TBL1X: variants seen among roughly 807,000 people sequenced by gnomAD.
The protein encoded by TBL1X is F-box-like/WD repeat-containing protein TBL1X.
TBL1X carries 10 observed loss-of-function variants against 50.7 expected under a neutral mutation model. The ratio of observed to expected loss-of-function variants is 0.20; its 90% confidence interval spans 0.12 to 0.33. The LOEUF is 0.33. Among genes scored for constraint, TBL1X ranks in the 10% least tolerant of loss-of-function variants. The probability of loss-of-function intolerance (pLI) is 1.00; values close to 1 mark genes in which losing one functional copy is unlikely to be tolerated. For synonymous variants in TBL1X, 190 were observed against 214.7 expected, an observed-to-expected ratio of 0.88 and a Z score of 1.01; for missense variants, 340 against 504.4, an observed-to-expected ratio of 0.67 and a Z score of 3.12.
intron 2 of TBL1X, among the ~76,000 whole-genome samples, chrX:9,552,205 G>T (rs1045119506): frequency 9.0e-6 from 1 of 111,369 alleles, no homozygotes; most frequent in Non-Finnish European, 1.9e-5. Flanking sequence ...TTTGGGAATT[G>T]AGGTGGCCGC....
At chrX:9,612,305 C>T (rs1410700122) in intron 2 of TBL1X, among the ~76,000 whole-genome samples, 2 of 111,492 alleles carry the variant, frequency 1.8e-5, no homozygotes, top group Admixed American at 9.5e-5. Context: ...TATGCCTCTT[C>T]ATCTTGCCAG....
chrX:9,627,900 G>C (rs757495551), intron 2 of TBL1X, among the ~76,000 whole-genome samples: 1 of 112,051 alleles, frequency 8.9e-6, no homozygotes, highest in East Asian at 2.8e-4. Flanking sequence ...TGATGTGATG[G>C]TTCAGTTATA....
upstream of TBL1X, among the ~76,000 whole-genome samples, chrX:9,463,760 G>A (rs2081750684): frequency 8.9e-6 from 1 of 112,159 alleles, no homozygotes; most frequent in Admixed American, 9.4e-5. Flanking sequence ...TGGGCGTGGT[G>A]GCATGCGCCT....
intron 12 of TBL1X, among the ~76,000 whole-genome samples, chrX:9,701,727 T>A (rs1246950264): frequency 9.0e-6 from 1 of 111,121 alleles, no homozygotes; most frequent in African/African-American, 3.3e-5. Flanking sequence ...CAGATGCTGG[T>A]CGCCATCTCT....
chrX:9,483,173 C>T (rs1298641290), intron 1 of TBL1X, among the ~76,000 whole-genome samples: 2 of 111,439 alleles, frequency 1.8e-5, no homozygotes, highest in Non-Finnish European at 3.8e-5. Context: ...ATTAAGAAAC[C>T]CTGACTTAGA....
chrX:9,579,844 G>T (rs1429328124), intron 2 of TBL1X, among the ~76,000 whole-genome samples: 1 of 111,075 alleles, frequency 9.0e-6, no homozygotes, highest in African/African-American at 3.3e-5. Context: ...TTCAACCACC[G>T]TGATAGAATG....
At position 9,711,667 on chromosome X, in the gene TBL1X, A is replaced by G. The variant is rs1268096500; in HGVS notation, c.1496A>G (p.His499Arg). 8.3e-7 allele frequency: 1 copy of G among 1,209,001 alleles called. No individual in the cohort carries two copies. ...GACATAGAACGAGGCGTCTGCACCCACACGCTCACGAAGCATCAGGAGCCT... is the reference window on the plus strand; with the variant it reads ...GACATAGAACGAGGCGTCTGCACCCGCACGCTCACGAAGCATCAGGAGCCT... Reference protein sequence around the residue: ...LWDIERGVCTHTLTKHQEPVY... With the variant: ...LWDIERGVCTRTLTKHQEPVY... Residue 499 changes from histidine to arginine, a missense_variant, in exon 16 of 18, where the codon CAC becomes CGC. Coordinates refer to ENST00000645353, the MANE Select transcript of TBL1X (RefSeq NM_005647.4).
chrX:9,542,191 T>TA (rs1202633654), intron 2 of TBL1X, among the ~76,000 whole-genome samples: 2 of 111,519 alleles, frequency 1.8e-5, no homozygotes, highest in African/African-American at 6.5e-5. Flanking sequence ...TGATAAGTGA[T>TA]AAAAATTCTA....
At chrX:9,599,098 C>T (rs2082541653) in intron 2 of TBL1X, among the ~76,000 whole-genome samples, 1 of 110,008 alleles carries the variant, frequency 9.1e-6, no homozygotes, top group South Asian at 3.9e-4. Context: ...CATGAGCCGC[C>T]ACACCCGGCT....
intron 11 of TBL1X, among the ~76,000 whole-genome samples, chrX:9,694,442 A>G (rs999304630): frequency 2.7e-5 from 3 of 110,772 alleles, no homozygotes; most frequent in Admixed American, 1.9e-4. Flanking sequence ...TAAAAATGCA[A>G]AACTTAGCTG....
chrX:9,481,555 A>C (rs2081882679), intron 1 of TBL1X, among the ~76,000 whole-genome samples: 1 of 112,099 alleles, frequency 8.9e-6, no homozygotes. Flanking sequence ...TGGTTATTTT[A>C]CCAAAGCTTT....
intron 1 of TBL1X, among the ~76,000 whole-genome samples, chrX:9,483,119 C>T (rs763146769): frequency 1.3e-4 from 15 of 111,350 alleles, no homozygotes; most frequent in African/African-American, 4.9e-4. Context: ...GTCCCCTCCT[C>T]TTTCAAGAGA....
chrX:9,546,276 G>A (rs745389550), intron 2 of TBL1X, among the ~76,000 whole-genome samples: 1 of 112,052 alleles, frequency 8.9e-6, no homozygotes, highest in South Asian at 3.7e-4. Flanking sequence ...CACTTTGGGA[G>A]GCCGAGGCGG....
chrX:9,712,281 T>C (rs2083252209), intron 16 of TBL1X, among the ~76,000 whole-genome samples: 1 of 113,141 alleles, frequency 8.8e-6, no homozygotes, highest in Admixed American at 9.3e-5. Context: ...GTGCTCTTGC[T>C]GTTGTCATGC....
intron 2 of TBL1X, among the ~76,000 whole-genome samples, chrX:9,537,768 G>A (rs2082196034): frequency 8.9e-6 from 1 of 112,627 alleles, no homozygotes; most frequent in Admixed American, 9.3e-5. Context: ...GCTGCTATGA[G>A]CATTGGCATA....
intron 2 of TBL1X, among the ~76,000 whole-genome samples, chrX:9,544,429 G>A (rs1191549661): frequency 4.5e-5 from 5 of 111,876 alleles, no homozygotes; most frequent in Non-Finnish European, 9.4e-5. Context: ...ACTCCAGAGA[G>A]ACATGCAAAA....
chrX:9,612,038 A>C lies in TBL1X; in HGVS notation c.-130-28235A>C, dbSNP rs1424701622. On this transcript the variant is annotated intron_variant, in intron 2 of 17. Coordinates refer to ENST00000645353, the MANE Select transcript of TBL1X (RefSeq NM_005647.4). ...TCGCCTGGGCGTTCTGAAGCCCGCA[A>C]ACATTCGCCTGGACCTTGGTCAGGT... Among the ~76,000 whole-genome samples, 7 of 112,933 alleles carry C rather than the reference A, an allele frequency of 6.2e-5. No homozygotes were observed. In the Admixed American group the frequency reaches 6.5e-4, roughly 11 times the overall value.
At chrX:9,700,929 G>A (rs1223755772) in intron 12 of TBL1X, among the ~76,000 whole-genome samples, 2 of 111,664 alleles carry the variant, frequency 1.8e-5, no homozygotes, top group African/African-American at 6.5e-5. Flanking sequence ...TGCTTTCATT[G>A]ATGTAACGTT....
At chrX:9,530,318 A>C (rs1399059716) in intron 2 of TBL1X, among the ~76,000 whole-genome samples, 1 of 112,285 alleles carries the variant, frequency 8.9e-6, no homozygotes, top group Non-Finnish European at 1.9e-5. Flanking sequence ...TTTAATTATA[A>C]TGATTTGATT....
Sources: allele counts gnomAD v4.1 joint callset (sites outside exome capture counted in the v4.1 genomes callset), GRCh38; gene constraint gnomAD v4.1.1; transcripts MANE v1.5; gene names NCBI Gene and HGNC (gene_info 2026-07-23, HGNC 2026-07-21).